The following CSMD1 variants were observed in gnomAD, a reference collection of about 807,000 sequenced individuals.
CSMD1 encodes CUB and Sushi multiple domains 1, also known as CUB and sushi domain-containing protein 1.
In CSMD1, 213 loss-of-function variants were observed where a neutral mutation model predicts 417.5. That is an observed-to-expected ratio of 0.51 (90% confidence interval 0.46 to 0.57). The LOEUF (loss-of-function observed/expected upper bound fraction) is 0.57. Ranked by LOEUF, CSMD1 falls within the 20% of genes least tolerant of loss-of-function variation. The probability of loss-of-function intolerance (pLI) is 0.00; values close to 1 mark genes in which losing one functional copy is unlikely to be tolerated. For missense variants in CSMD1, 6,923 were observed against 4,529.7 expected (o/e 1.53, Z -15.17); for synonymous variants, 2,862 against 1,736.8 (o/e 1.65, Z -16.11).
intron 23 of CSMD1, among the ~76,000 whole-genome samples, chr8:3,324,104 T>C (rs1806342714): frequency 6.9e-6 from 1 of 144,454 alleles, no homozygotes; most frequent in African/African-American, 2.6e-5. Flanking sequence ...GGGAGTTTCC[T>C]TCACCCCACC....
chr8:4,036,667 T>C (rs950635978), intron 3 of CSMD1, among the ~76,000 whole-genome samples: 9 of 152,214 alleles, frequency 5.9e-5, no homozygotes, highest in Admixed American at 2.0e-4. Flanking sequence ...AGCATGCCTG[T>C]TCTTTTCATG....
chr8:4,718,838 T>C (rs1370942926), intron 1 of CSMD1, among the ~76,000 whole-genome samples: 3 of 152,030 alleles, frequency 2.0e-5, no homozygotes, highest in African/African-American at 7.2e-5. Flanking sequence ...TTTTTAAAGA[T>C]ATAATACTCC....
At chr8:3,714,345 T>A (rs1223003329) in intron 6 of CSMD1, among the ~76,000 whole-genome samples, 1 of 150,860 alleles carries the variant, frequency 6.6e-6, no homozygotes, top group African/African-American at 2.4e-5. Context: ...CTTTTATATT[T>A]ACCTTTTCTT....
At chr8:3,731,701 G>C (rs889131783) in intron 6 of CSMD1, among the ~76,000 whole-genome samples, 5 of 152,158 alleles carry the variant, frequency 3.3e-5, no homozygotes, top group African/African-American at 1.2e-4. Context: ...AAGTATAAAT[G>C]GGTCAGAGGC....
chr8:3,442,366 ACT>A (rs1268076798), intron 12 of CSMD1, among the ~76,000 whole-genome samples: 1 of 152,146 alleles, frequency 6.6e-6, no homozygotes, highest in Non-Finnish European at 1.5e-5. Flanking sequence ...TCACTCACTC[ACT>A]GACTCACCCA....
chr8:3,231,719 C>G (rs1255766175), intron 26 of CSMD1, among the ~76,000 whole-genome samples: 1 of 152,120 alleles, frequency 6.6e-6, no homozygotes, highest in Non-Finnish European at 1.5e-5. Context: ...CCAATAGTGT[C>G]ATATGATACA....
At chr8:3,306,143 TTTTTGTTAAGTTA>T (rs1480700467) in intron 25 of CSMD1, among the ~76,000 whole-genome samples, 1 of 152,124 alleles carries the variant, frequency 6.6e-6, no homozygotes, top group Non-Finnish European at 1.5e-5. Flanking sequence ...TCCCATTTTA[TTTTTGTTAAGTTA>T]TAGGGTTGCA....
chr8:3,377,755 C>T (rs1239572315), intron 18 of CSMD1, among the ~76,000 whole-genome samples: 1 of 152,156 alleles, frequency 6.6e-6, no homozygotes. Flanking sequence ...AACGGAAACA[C>T]CAGGTTAAGG....
At chr8:4,655,052 T>G (rs1804141102) in intron 1 of CSMD1, among the ~76,000 whole-genome samples, 4 of 151,868 alleles carry the variant, frequency 2.6e-5, no homozygotes, top group Non-Finnish European at 4.4e-5. Context: ...AAAAAAAGCT[T>G]AAATCTTTGT....
At chr8:4,086,666 A>G (rs1256116269) in intron 3 of CSMD1, among the ~76,000 whole-genome samples, 1 of 152,224 alleles carries the variant, frequency 6.6e-6, no homozygotes, top group East Asian at 1.9e-4. Context: ...TTTCTCATTC[A>G]TTCATCAAGT....
At chr8:3,460,789 G>A (rs1012686681) in intron 12 of CSMD1, among the ~76,000 whole-genome samples, 3 of 152,164 alleles carry the variant, frequency 2.0e-5, no homozygotes, top group African/African-American at 7.2e-5. Flanking sequence ...ATTTTCCCCG[G>A]CTGCTAGACA....
At chr8:4,967,027 A>T (rs1809913308) in intron 1 of CSMD1, among the ~76,000 whole-genome samples, 1 of 152,168 alleles carries the variant, frequency 6.6e-6, no homozygotes, top group Non-Finnish European at 1.5e-5. Context: ...CAGGAAATTG[A>T]CCAGACATCG....
chr8:4,881,660 C>T (rs2116958441), intron 1 of CSMD1, among the ~76,000 whole-genome samples: 1 of 151,156 alleles, frequency 6.6e-6, no homozygotes, highest in East Asian at 2.0e-4. Context: ...GTTTTAAATA[C>T]ATAAAGAGTC....
chr8:3,255,616 A>C (rs1191719115), intron 26 of CSMD1, among the ~76,000 whole-genome samples: 1 of 152,034 alleles, frequency 6.6e-6, no homozygotes, highest in African/African-American at 2.4e-5. Flanking sequence ...TTGATCTCAG[A>C]CTGCTGTTCT....
At chr8:3,589,843 C>G (rs1800770819) in intron 8 of CSMD1, among the ~76,000 whole-genome samples, 1 of 152,096 alleles carries the variant, frequency 6.6e-6, no homozygotes. Context: ...ATTCCAGACT[C>G]TCATGTACAC....
chr8:4,649,483 A>T (rs1342775590), intron 1 of CSMD1, among the ~76,000 whole-genome samples: 2 of 152,264 alleles, frequency 1.3e-5, no homozygotes, highest in Non-Finnish European at 2.9e-5. Flanking sequence ...AAGCAAAGAA[A>T]TGAGGGGTAT....
rs1801240542 is a variant in CSMD1 at position 4,353,836 on chromosome 8, T to C, written c.415+66117A>G. The stretch of plus-strand genomic sequence containing the variant: ...AAAACCAGTGTTCTTCTCTCCTCAG[T>C]GACCCGCACTTAATTATGGCTCATC... On this transcript the variant is annotated intron_variant, in intron 3 of 69. Coordinates refer to ENST00000635120, the MANE Select transcript of CSMD1 (RefSeq NM_033225.6). Among the ~76,000 whole-genome samples, 4 of 152,330 alleles carry C rather than the reference T, an allele frequency of 2.6e-5. No homozygotes were observed. In the South Asian group the frequency reaches 8.3e-4, roughly 32 times the overall value.
chr8:3,764,812 T>C (rs1798185776), intron 5 of CSMD1, among the ~76,000 whole-genome samples: 2 of 150,600 alleles, frequency 1.3e-5, no homozygotes, highest in Admixed American at 6.6e-5. Flanking sequence ...AGGGGCACCA[T>C]CTTGGCTCAG....
intron 26 of CSMD1, among the ~76,000 whole-genome samples, chr8:3,252,447 T>G (rs1045185411): frequency 6.6e-6 from 1 of 152,220 alleles, no homozygotes; most frequent in African/African-American, 2.4e-5. Flanking sequence ...TTTGATATAT[T>G]GTTGGATTCA....
Sources: gnomAD v4.1 joint callset for allele counts (sites outside exome capture counted in the v4.1 genomes callset) on GRCh38, gnomAD v4.1.1 for gene constraint, MANE v1.5 for transcripts, NCBI Gene and HGNC (gene_info 2026-07-23, HGNC 2026-07-21) for gene names.